TRIM71: variants seen among roughly 807,000 people sequenced by gnomAD.
The protein encoded by TRIM71 is tripartite motif containing 71.
In TRIM71, 9 loss-of-function variants were observed where a neutral mutation model predicts 61.2. That is an observed-to-expected ratio of 0.15 (90% CI 0.09 to 0.26). TRIM71 has a LOEUF of 0.26. TRIM71 is among the 10% of genes least tolerant of loss of function. The pLI is 1.00. For synonymous variants in TRIM71, 645 were observed against 553.2 expected (o/e 1.17, Z -2.33); for missense variants, 998 against 1,238.7 (o/e 0.81, Z 2.92).
At chr3:32,829,470 C>T (rs925541132) in intron 1 of TRIM71, among the ~76,000 whole-genome samples, 2 of 152,110 alleles carry the variant, frequency 1.3e-5, no homozygotes, top group African/African-American at 4.8e-5. Flanking sequence ...AGCCACGATG[C>T]CCTGCTGTCA....
At chr3:32,823,385 A>G (rs1291657065) in intron 1 of TRIM71, among the ~76,000 whole-genome samples, 1 of 152,202 alleles carries the variant, frequency 6.6e-6, no homozygotes, top group Admixed American at 6.5e-5. Context: ...TGCTAGTAGT[A>G]TGGAGGCTGT....
At chr3:32,853,744 C>T (rs1304676050) in intron 1 of TRIM71, among the ~76,000 whole-genome samples, 3 of 152,116 alleles carry the variant, frequency 2.0e-5, no homozygotes, top group Non-Finnish European at 2.9e-5. Flanking sequence ...CGGTGGCTCA[C>T]GCCTGTGATC....
intron 1 of TRIM71, among the ~76,000 whole-genome samples, chr3:32,850,373 C>T (rs1193988988): frequency 6.6e-6 from 1 of 152,144 alleles, no homozygotes; most frequent in Non-Finnish European, 1.5e-5. Flanking sequence ...CTTCCCCCTC[C>T]TCTTGTGTTT....
In TRIM71 at chr3:32,892,392, ATCT is replaced by A. The variant is rs1697036650; in HGVS notation, c.*585_*587del. ...TGTGTTGTTTTGATCTTTTTGGAAA[ATCT>A]TCTCTTTTTAAATGCTGCAACAGAG... On this transcript the variant is annotated 3_prime_UTR_variant, in exon 4 of 4. Transcript: ENST00000383763. 1 of 152,162 alleles carries A rather than the reference ATCT, an allele frequency of 6.6e-6. No homozygotes were observed. Among genetic ancestry groups the A allele is most frequent in the East Asian group, 1.9e-4 (1 of 5,206 alleles). 9.4% of individuals were successfully genotyped at this position (152,162 alleles called of 1,614,324 possible).
chr3:32,880,182 C>A (rs1360594123), intron 2 of TRIM71, among the ~76,000 whole-genome samples: 1 of 151,820 alleles, frequency 6.6e-6, no homozygotes, highest in Non-Finnish European at 1.5e-5. Context: ...TGTACCACCA[C>A]GCCTGGCTAA....
At chr3:32,870,173 T>C (rs1696780263) in intron 1 of TRIM71, among the ~76,000 whole-genome samples, 1 of 152,230 alleles carries the variant, frequency 6.6e-6, no homozygotes, top group Admixed American at 6.5e-5. Flanking sequence ...AGATGAGACA[T>C]GGAGCTTCTA....
intron 1 of TRIM71, among the ~76,000 whole-genome samples, chr3:32,870,082 G>A (rs1300912014): frequency 1.3e-5 from 2 of 152,178 alleles, no homozygotes; most frequent in Non-Finnish European, 1.5e-5. Flanking sequence ...GTTTCAGAGA[G>A]AATTACATCC....
chr3:32,893,551 C>CT lies in TRIM71; in HGVS notation c.*1740_*1741insT, dbSNP rs920018643. 2 of 152,166 alleles carry CT rather than the reference C, an allele frequency of 1.3e-5. No individual in the cohort carries two copies. Among genetic ancestry groups the CT allele is most frequent in the Non-Finnish European group, 2.9e-5 (2 of 68,020 alleles). The allele number at this position is 152,166 out of a possible 1,614,324, so 9.4% of individuals were successfully genotyped here. A position where few individuals can be genotyped will look rare whatever the true frequency, so the allele number is the denominator to read the frequency against. ...CTCAGGGAAAAGAGGGACTCTCAAA[C>CT]AAACGTCAGTGACTTACAAGGGAGA... On this transcript the variant is annotated 3_prime_UTR_variant, in exon 4 of 4. Coordinates refer to ENST00000383763, the MANE Select transcript of TRIM71 (RefSeq NM_001039111.3).
In TRIM71 at chr3:32,895,013, TTA is replaced by T. The variant is rs1697064076; in HGVS notation, c.*3204_*3205del. The T allele has an allele frequency of 6.6e-6, 1 of 152,250 alleles. No individual in the cohort carries two copies. The highest frequency in any genetic ancestry group is 2.4e-5 in the African/African-American group (1 of 41,460). The allele number at this position is 152,250 out of a possible 1,614,324, so 9.4% of individuals were successfully genotyped here. A position where few individuals can be genotyped will look rare whatever the true frequency, so the allele number is the denominator to read the frequency against. ...GGGTGGGGTATGATGTAAGCTCAGT[TTA>T]TGTGTGGAGATGCCCATTGGGTTTG... On this transcript the variant is annotated 3_prime_UTR_variant, in exon 4 of 4. Transcript: ENST00000383763.
chr3:32,829,899 T>A (rs1696249815), intron 1 of TRIM71, among the ~76,000 whole-genome samples: 1 of 151,804 alleles, frequency 6.6e-6, no homozygotes, highest in African/African-American at 2.4e-5. Context: ...AAAAATCTGC[T>A]TAATACTAAA....
chr3:32,834,791 G>A (rs1223455198), intron 1 of TRIM71, among the ~76,000 whole-genome samples: 2 of 152,068 alleles, frequency 1.3e-5, no homozygotes, highest in East Asian at 1.9e-4. Flanking sequence ...GCAGTGAGCC[G>A]AGATCGCACG....
chr3:32,861,849 GC>G (rs1696672753), intron 1 of TRIM71, among the ~76,000 whole-genome samples: 4 of 152,122 alleles, frequency 2.6e-5, no homozygotes, highest in African/African-American at 9.6e-5. Context: ...TCACAGACAT[GC>G]CCCAGCACCC....
intron 2 of TRIM71, among the ~76,000 whole-genome samples, chr3:32,882,732 C>A (rs747637821): frequency 6.6e-6 from 1 of 152,014 alleles, no homozygotes; most frequent in South Asian, 2.1e-4. Context: ...TTTGTAGAGA[C>A]GGGGTCTCAC....
At chr3:32,862,747 G>A (rs1482910859) in intron 1 of TRIM71, among the ~76,000 whole-genome samples, 1 of 152,196 alleles carries the variant, frequency 6.6e-6, no homozygotes, top group Non-Finnish European at 1.5e-5. Context: ...TTTGCTGCTG[G>A]AAGCTGCATG....
At position 32,818,054 on chromosome 3, in the gene TRIM71, T is replaced by C; in HGVS notation, c.-27T>C. The stretch of plus-strand genomic sequence containing the variant: ...CTCCTCCTCCTCTTCCTCTCTGGTC[T>C]CCTCCCTCCTCCGGGCTGGGTTGCA... On this transcript the variant is annotated 5_prime_UTR_variant, in exon 1 of 4. Transcript: ENST00000383763. The C allele has an allele frequency of 6.2e-7, 1 of 1,605,834 alleles. No homozygotes were observed. Among genetic ancestry groups the C allele is most frequent in the East Asian group, 2.3e-5 (1 of 43,958 alleles).
chr3:32,850,312 A>C (rs990999071), intron 1 of TRIM71, among the ~76,000 whole-genome samples: 1 of 152,172 alleles, frequency 6.6e-6, no homozygotes, highest in African/African-American at 2.4e-5. Flanking sequence ...AGGGAGGGTG[A>C]AAAGCTAAGA....
Position 32,821,575 on chromosome 3 carries a change from A to G in TRIM71, c.852+2643A>G, listed in dbSNP as rs75884203. ...GGAAATCTTTGGGTTTTCCAACGAA[A>G]TAATGAGACGTACTTGCTGCTACTC... On this transcript the variant is annotated intron_variant, in intron 1 of 3. Transcript: ENST00000383763. Among the ~76,000 whole-genome samples the G allele has an allele frequency of 4.9e-3, 742 of 152,290 alleles. 5 individuals are homozygous for G. Among genetic ancestry groups the G allele is most frequent in the African/African-American group, 0.017 (700 of 41,568 alleles).
intron 1 of TRIM71, among the ~76,000 whole-genome samples, chr3:32,836,195 G>A (rs1406225697): frequency 1.3e-5 from 2 of 151,988 alleles, no homozygotes; most frequent in African/African-American, 2.4e-5. Flanking sequence ...ACTTTGCTCC[G>A]GAGAGCTTGC....
chr3:32,841,396 T>C (rs1479778521), intron 1 of TRIM71, among the ~76,000 whole-genome samples: 1 of 149,434 alleles, frequency 6.7e-6, no homozygotes, highest in Non-Finnish European at 1.5e-5. Flanking sequence ...TAGGTATCTT[T>C]ACCTAGTGAG....
Sources: gnomAD v4.1 joint callset for allele counts (sites outside exome capture counted in the v4.1 genomes callset) on GRCh38, gnomAD v4.1.1 for gene constraint, MANE v1.5 for transcripts, NCBI Gene and HGNC (gene_info 2026-07-23, HGNC 2026-07-21) for gene names.